The following DMD variants were observed in gnomAD, a reference collection of about 807,000 sequenced individuals.
DMD encodes the protein dystrophin, also known as mutant dystrophin.
A neutral mutation model predicts 330.1 loss-of-function variants in DMD; 63 were observed. That is an observed-to-expected ratio of 0.19 (90% CI 0.16 to 0.24). The LOEUF (loss-of-function observed/expected upper bound fraction) is 0.24. DMD is among the 10% of genes least tolerant of loss of function. The probability of loss-of-function intolerance (pLI) is 1.00; values close to 1 mark genes in which losing one functional copy is unlikely to be tolerated. For synonymous variants in DMD, 1,223 were observed against 959.8 expected (o/e 1.27, Z -5.07); for missense variants, 3,344 against 2,684.1 (o/e 1.25, Z -5.43).
chrX:33,099,698 G>A (rs1334322442), intron 1 of DMD, among the ~76,000 whole-genome samples: 1 of 111,582 alleles, frequency 9.0e-6, no homozygotes, highest in African/African-American at 3.3e-5. Context: ...ATTTCATGTC[G>A]AGATTAAGAT....
intron 2 of DMD, among the ~76,000 whole-genome samples, chrX:33,004,794 G>A (rs1458414599): frequency 1.8e-5 from 2 of 110,755 alleles, no homozygotes; most frequent in Admixed American, 9.7e-5. Context: ...TTTCCTTTTG[G>A]GTTGTTCAGG....
intron 44 of DMD, among the ~76,000 whole-genome samples, chrX:32,050,606 T>C (rs2096102987): frequency 3.6e-5 from 4 of 111,489 alleles, no homozygotes; most frequent in African/African-American, 6.5e-5. Flanking sequence ...AGGATAGAAA[T>C]TGTTGATTGT....
At chrX:32,113,955 GT>G (rs67233676) in intron 44 of DMD, among the ~76,000 whole-genome samples, 50,156 of 109,236 alleles carry the variant, frequency 0.46, 8,671 homozygotes, top group African/African-American at 0.56. Flanking sequence ...ATATTTTCTT[GT>G]TTTTTTTCTG....
chrX:31,993,746 A>G (rs1171818000), intron 44 of DMD, among the ~76,000 whole-genome samples: 2 of 112,312 alleles, frequency 1.8e-5, no homozygotes, highest in Non-Finnish European at 3.8e-5. Context: ...AAATAAACAG[A>G]ATCTGGGACT....
At chrX:31,367,037 A>G (rs2059299466) in intron 60 of DMD, among the ~76,000 whole-genome samples, 1 of 111,340 alleles carries the variant, frequency 9.0e-6, no homozygotes, top group Admixed American at 9.6e-5. Context: ...GCAAAATGAA[A>G]CTTACTAGAA....
intron 51 of DMD, among the ~76,000 whole-genome samples, chrX:31,758,827 G>A (rs954185445): frequency 8.9e-6 from 1 of 111,811 alleles, no homozygotes; most frequent in South Asian, 3.7e-4. Context: ...TATGATTTCA[G>A]CGCAAAGTTA....
rs756544437 is a variant in DMD at position 32,683,280 on chromosome X, A to G, written c.960+14590T>C. Among the ~76,000 whole-genome samples, 75 of 110,903 alleles carry G rather than the reference A, an allele frequency of 6.8e-4. 1 individual carries two copies. Among genetic ancestry groups the G allele is most frequent in the African/African-American group, 2.4e-3 (73 of 30,463 alleles). ...ACTAGAAATACCACTTGACCCAGCC[A>G]TCACATTACTGGGTATATACCCAAA... is the stretch of plus-strand genomic sequence containing the variant. On this transcript the variant is annotated intron_variant, in intron 9 of 78. Transcript: ENST00000357033.
intron 9 of DMD, among the ~76,000 whole-genome samples, chrX:32,664,151 A>G (rs58923347): frequency 0.032 from 3,501 of 110,800 alleles, 147 homozygotes; most frequent in African/African-American, 0.11. Flanking sequence ...TCACTAATTT[A>G]GACCAGAGGT....
At chrX:31,452,820 C>T (rs113732819) in intron 59 of DMD, among the ~76,000 whole-genome samples, 4,589 of 111,604 alleles carry the variant, frequency 0.041, 207 homozygotes, top group African/African-American at 0.13. Flanking sequence ...TGGGTGCTCA[C>T]ATTTCCTTCA....
chrX:31,146,420 T>C lies in DMD; in HGVS notation c.10798-6A>G. ...ACTTTGGCCTCTGCCTGGGGCTAAGTCATCCAAAAGAAAACAGAATTACTT... is the reference window on the plus strand; with the variant it reads ...ACTTTGGCCTCTGCCTGGGGCTAAGCCATCCAAAAGAAAACAGAATTACTT... On this transcript the variant is annotated splice_polypyrimidine_tract_variant and splice_region_variant and intron_variant, in intron 75 of 78. Transcript: ENST00000357033. 8.3e-7 allele frequency: 1 copy of C among 1,207,787 alleles called. No individual in the cohort carries two copies. The highest frequency in any genetic ancestry group is 1.1e-6 in the Non-Finnish European group (1 of 892,650).
At chrX:32,794,263 C>G (rs1390784941) in intron 7 of DMD, among the ~76,000 whole-genome samples, 1 of 111,799 alleles carries the variant, frequency 8.9e-6, no homozygotes, top group Non-Finnish European at 1.9e-5. Context: ...TAGTATCAAA[C>G]TGAATGGGGA....
intron 55 of DMD, among the ~76,000 whole-genome samples, chrX:31,559,771 C>A (rs1199807814): frequency 2.8e-5 from 3 of 108,883 alleles, no homozygotes; most frequent in Non-Finnish European, 5.7e-5. Context: ...GTTTGAGGGT[C>A]AACTGTATAA....
At chrX:32,529,116 G>A (rs1389465439) in intron 17 of DMD, among the ~76,000 whole-genome samples, 2 of 105,612 alleles carry the variant, frequency 1.9e-5, no homozygotes, top group African/African-American at 3.5e-5. Context: ...TCATAGAGAC[G>A]GGGTTTCACT....
At chrX:31,174,131 G>T (rs974555743) in intron 71 of DMD, among the ~76,000 whole-genome samples, 2 of 111,529 alleles carry the variant, frequency 1.8e-5, no homozygotes, top group Non-Finnish European at 3.8e-5. Context: ...ATGCAATTTT[G>T]TAAAGAAGAA....
At chrX:32,638,795 C>A (rs1435438360) in intron 11 of DMD, among the ~76,000 whole-genome samples, 1 of 111,425 alleles carries the variant, frequency 9.0e-6, no homozygotes. Flanking sequence ...AACTTCACTG[C>A]ACTTGGGAGA....
chrX:32,727,417 T>C (rs750216827), intron 7 of DMD, among the ~76,000 whole-genome samples: 1 of 111,105 alleles, frequency 9.0e-6, no homozygotes, highest in Non-Finnish European at 1.9e-5. Context: ...AAATTCTGAT[T>C]AATGTTCAAG....
chrX:31,393,892 T>C (rs2692986), intron 60 of DMD, among the ~76,000 whole-genome samples: 14,567 of 110,865 alleles, frequency 0.13, 783 homozygotes, highest in Non-Finnish European at 0.17. Context: ...CAGAAAGGAG[T>C]CTTCACTTTA....
intron 50 of DMD, among the ~76,000 whole-genome samples, chrX:31,786,380 T>A (rs1195809100): frequency 2.7e-5 from 3 of 112,099 alleles, no homozygotes; most frequent in Non-Finnish European, 5.6e-5. Flanking sequence ...GTGGACTTTT[T>A]AAAATTCCCT....
chrX:32,132,520 C>T (rs1476067532), intron 44 of DMD, among the ~76,000 whole-genome samples: 4 of 111,329 alleles, frequency 3.6e-5, no homozygotes, highest in Non-Finnish European at 7.5e-5. Flanking sequence ...TTTAGGTTCC[C>T]TGAATTCCAC....
Sources: allele counts gnomAD v4.1 joint callset (sites outside exome capture counted in the v4.1 genomes callset), GRCh38; gene constraint gnomAD v4.1.1; transcripts MANE v1.5; gene names NCBI Gene and HGNC (gene_info 2026-07-23, HGNC 2026-07-21).